Variants in COL12A1 observed in about 807,000 individuals in gnomAD.
The protein encoded by COL12A1 is collagen type XII alpha 1 chain, also known as collagen alpha-1(XII) chain.
Under a neutral mutation model 349.7 loss-of-function variants are expected in COL12A1, and 114 were observed. The ratio of observed to expected loss-of-function variants is 0.33; its 90% confidence interval spans 0.28 to 0.38. The LOEUF (loss-of-function observed/expected upper bound fraction) is 0.38, where lower values mean the gene tolerates loss of function less well. Ranked by LOEUF, COL12A1 falls within the 10% of genes least tolerant of loss-of-function variation. COL12A1 has a pLI of 1.00. For missense variants in COL12A1, 3,284 were observed against 3,756.9 expected, an observed-to-expected ratio of 0.87 and a Z score of 3.29; for synonymous variants, 1,369 against 1,329.0, an observed-to-expected ratio of 1.03 and a Z score of -0.66.
intron 42 of COL12A1, 35 bp from the exon 43 acceptor site, chr6:75,123,439 C>T (rs902961702): frequency 6.8e-7 from 1 of 1,471,004 alleles, no homozygotes; most frequent in Non-Finnish European, 9.2e-7. Flanking sequence ...AAAAACACAC[C>T]ATGTGCACAT....
intron 16 of COL12A1, among the ~76,000 whole-genome samples, chr6:75,155,237 G>A (rs1179915109): frequency 6.6e-6 from 1 of 151,998 alleles, no homozygotes; most frequent in Non-Finnish European, 1.5e-5. Context: ...CTCCTGTATG[G>A]CACACTGGAG....
intron 3 of COL12A1, among the ~76,000 whole-genome samples, chr6:75,194,426 A>G (rs932869547): frequency 6.6e-6 from 1 of 152,304 alleles, no homozygotes; most frequent in South Asian, 2.1e-4. Flanking sequence ...TTTCCTGGAT[A>G]CTGAAATGTG....
intron 17 of COL12A1, 81 bp downstream of exon 17, chr6:75,154,335 C>T: frequency 1.2e-5 from 16 of 1,387,120 alleles, no homozygotes; most frequent in East Asian, 5.1e-5. Context: ...CATTGTTTTC[C>T]ATTGTATGAT....
chr6:75,156,346 C>A lies in COL12A1; in HGVS notation c.3161G>T (p.Arg1054Leu), dbSNP rs577784031. Residue 1054 changes from arginine to leucine, a missense_variant, in exon 15 of 66, where the codon CGA (arginine) becomes CTA (leucine). By Grantham distance (102) the Arg-to-Leu change is moderately radical (BLOSUM62 -2). Transcript: ENST00000322507. ...GTCATATGTGGTCTGTGGCTGAAGT[C>A]GCTTTAACACTGTCGAAGTGACTGT... ...PPTVTSTVLK[R>L]LQPQTTYDIT... 6.2e-7 allele frequency: 1 copy of A among 1,613,880 alleles called. No individual in the cohort carries two copies. Among genetic ancestry groups the A allele is most frequent in the South Asian group, 1.1e-5 (1 of 91,070 alleles).
intron 38 of COL12A1, 89 bp downstream of exon 38, chr6:75,128,206 TA>T: frequency 2.5e-6 from 3 of 1,193,754 alleles, no homozygotes; most frequent in Non-Finnish European, 2.2e-6. Flanking sequence ...TTGGTAAAGA[TA>T]AAATTTTAGG....
rs541530198 is a variant in COL12A1 at position 75,179,561 on chromosome 6, A to T, written c.2164+1378T>A. Among the ~76,000 whole-genome samples, 4 of 151,986 alleles carry T rather than the reference A, an allele frequency of 2.6e-5. No individual in the cohort carries two copies. The East Asian group carries it at 5.8e-4, about 22-fold the overall frequency. Reference sequence around the variant, plus strand: ...ACCATGCAAAAAAAAAAAAAGGAAAAATAGCAATCTTATCTGAAAAATGTT... The same window carrying T: ...ACCATGCAAAAAAAAAAAAAGGAAATATAGCAATCTTATCTGAAAAATGTT... On this transcript the variant is annotated intron_variant, in intron 11 of 65. Coordinates refer to ENST00000322507, the MANE Select transcript of COL12A1 (RefSeq NM_004370.6).
chr6:75,145,895 G>A (rs1422850222), intron 24 of COL12A1, among the ~76,000 whole-genome samples: 8 of 152,140 alleles, frequency 5.3e-5, no homozygotes, highest in Admixed American at 5.2e-4. Context: ...GCCTCCCAAA[G>A]TGCTGAGATT....
chr6:75,102,799 T>A (rs1463829203), intron 55 of COL12A1, 107 bp from the exon 56 acceptor site: 4 of 557,396 alleles, frequency 7.2e-6, no homozygotes, highest in Non-Finnish European at 8.5e-6. Flanking sequence ...AATCATATAA[T>A]CTTTGTAAAC....
At chr6:75,154,131 AATT>A (rs1253237886) in intron 17 of COL12A1, among the ~76,000 whole-genome samples, 5 of 151,706 alleles carry the variant, frequency 3.3e-5, no homozygotes, top group Admixed American at 6.6e-5. Flanking sequence ...CATCACTAAT[AATT>A]ATTAATACAT....
intron 1 of COL12A1, among the ~76,000 whole-genome samples, chr6:75,204,330 C>T (rs573642438): frequency 1.3e-5 from 2 of 152,124 alleles, no homozygotes; most frequent in South Asian, 2.1e-4. Flanking sequence ...ATCGACCCAC[C>T]GAAAAGCTGT....
chr6:75,107,477 G>T lies in COL12A1; in HGVS notation c.8101-981C>A, dbSNP rs544069150. Among the ~76,000 whole-genome samples, 4 of 152,052 alleles carry T rather than the reference G, an allele frequency of 2.6e-5. No homozygotes were observed. In the South Asian group the frequency reaches 8.3e-4, roughly 32 times the overall value. ...GTAGAGACGGGGTCTTACCATGCTG[G>T]CCAAGCTGGTCTCAAACTCCTGACC... On this transcript the variant is annotated intron_variant, in intron 52 of 65. Transcript: ENST00000322507.
intron 14 of COL12A1, among the ~76,000 whole-genome samples, chr6:75,156,860 T>G (rs1035692910): frequency 6.6e-6 from 1 of 152,180 alleles, no homozygotes; most frequent in East Asian, 1.9e-4. Context: ...TGTAAAGAAT[T>G]TATCCAGTAA....
intron 1 of COL12A1, among the ~76,000 whole-genome samples, chr6:75,203,398 T>A (rs1163745722): frequency 1.3e-5 from 2 of 152,110 alleles, no homozygotes; most frequent in Non-Finnish European, 2.9e-5. Flanking sequence ...ACCCTCCTGC[T>A]AACTGTGTTG....
At chr6:75,125,034 A>T (rs1389275420) in intron 40 of COL12A1, 93 bp downstream of exon 40, 2 of 1,254,340 alleles carry the variant, frequency 1.6e-6, no homozygotes, top group Non-Finnish European at 2.1e-6. Flanking sequence ...CTGAGGAAAC[A>T]TGTATATGTT....
chr6:75,116,071 T>A lies in COL12A1; in HGVS notation c.7520-14A>T, dbSNP rs1473933488. On this transcript the variant is annotated splice_polypyrimidine_tract_variant and intron_variant, in intron 47 of 65. Transcript: ENST00000322507. ...TGAGAGGACAACCTGCAATGTACAG[T>A]GTTCTTTAAGTATGATTCACCAACA... is the stretch of plus-strand genomic sequence containing the variant. 6.2e-7 allele frequency: 1 copy of A among 1,612,902 alleles called. No homozygotes were observed.
In COL12A1 at chr6:75,181,165, A is replaced by G. The variant is rs1301976269; in HGVS notation, c.1938T>C (p.Tyr646=). The G allele has an allele frequency of 3.7e-6, 6 of 1,613,778 alleles. No individual in the cohort carries two copies. Among genetic ancestry groups the G allele is most frequent in the Middle Eastern group, 1.6e-4 (1 of 6,084 alleles). The change falls in exon 11 of 66, where the codon TAT becomes TAC. Residue 646 remains tyrosine, a synonymous_variant. Transcript: ENST00000322507. ...CTGGAGACCAGTTGGTTTTGAAACCATAAGAAGTCACTTCTGAAAAACTAA... is the reference window on the plus strand; with the variant it reads ...CTGGAGACCAGTTGGTTTTGAAACCGTAAGAAGTCACTTCTGAAAAACTAA... ...KDLSFSEVTS[Y]GFKTNWSPAG...
chr6:75,131,872 A>G lies in COL12A1; in HGVS notation c.5937+68T>C. The G allele has an allele frequency of 6.4e-6, 10 of 1,568,394 alleles. No homozygotes were observed. The South Asian group carries it at 8.1e-5, about 13-fold the overall frequency. On this transcript the variant is annotated intron_variant, in intron 35 of 65. Transcript: ENST00000322507. ...TTTGTGGTTTGTGTTCTCCCAGGCT[A>G]TCAAACGTGACACAAACATGTGACT...
At chr6:75,193,977 C>G (rs188435938) in intron 3 of COL12A1, among the ~76,000 whole-genome samples, 1 of 152,074 alleles carries the variant, frequency 6.6e-6, no homozygotes, top group Non-Finnish European at 1.5e-5. Context: ...AGTCTATCAT[C>G]GATGGACATT....
At chr6:75,119,255 C>T (rs1769236411) in intron 45 of COL12A1, 69 bp from the exon 46 acceptor site, 1 of 1,610,708 alleles carries the variant, frequency 6.2e-7, no homozygotes, top group Non-Finnish European at 8.5e-7. Context: ...ATTAGTCACA[C>T]CCAACTGATA....
Sources: gnomAD v4.1 joint callset for allele counts (sites outside exome capture counted in the v4.1 genomes callset) on GRCh38, gnomAD v4.1.1 for gene constraint, MANE v1.5 for transcripts, NCBI Gene and HGNC (gene_info 2026-07-23, HGNC 2026-07-21) for gene names.